Variants in DDX31 observed in about 807,000 individuals in gnomAD.
DDX31 encodes the protein ATP-dependent DNA helicase DDX31.
In DDX31, 70 loss-of-function variants were observed where a neutral mutation model predicts 91.3. The ratio of observed to expected loss-of-function variants is 0.77; its 90% CI spans 0.63 to 0.94. DDX31 has a LOEUF of 0.94. Ranked by LOEUF, DDX31 falls within the 40% of genes least tolerant of loss-of-function variation. The pLI is 0.00. For missense variants in DDX31, 902 were observed against 925.0 expected, an observed-to-expected ratio of 0.98 and a Z score of 0.32; for synonymous variants, 362 against 350.6, an observed-to-expected ratio of 1.03 and a Z score of -0.36.
At chr9:132,645,481 C>T (rs1442311421) in intron 13 of DDX31, among the ~76,000 whole-genome samples, 3 of 152,176 alleles carry the variant, frequency 2.0e-5, no homozygotes, top group South Asian at 2.1e-4. Flanking sequence ...CAATTTAGCT[C>T]CATTAATGCT....
At chr9:132,649,225 A>G (rs1245334568) in intron 9 of DDX31, among the ~76,000 whole-genome samples, 1 of 152,160 alleles carries the variant, frequency 6.6e-6, no homozygotes, top group Non-Finnish European at 1.5e-5. Flanking sequence ...TACAGGCATG[A>G]GCCACTGCAC....
In DDX31 at chr9:132,630,075, G is replaced by A. The variant is rs376624704; in HGVS notation, c.1631+189C>T. Among the ~76,000 whole-genome samples, 10 of 152,296 alleles carry A rather than the reference G, an allele frequency of 6.6e-5. No individual in the cohort carries two copies. The East Asian group carries it at 1.9e-3, about 29-fold the overall frequency. On this transcript the variant is annotated intron_variant, in intron 16 of 19. Transcript: ENST00000372159. Reference sequence around the variant, plus strand: ...TCGTCCTATGACTTAGTCTGGCAACGCAATGAAAACTGTCATGTGCTGAGG... The same window carrying A: ...TCGTCCTATGACTTAGTCTGGCAACACAATGAAAACTGTCATGTGCTGAGG...
chr9:132,626,492 C>G (rs1832401388), intron 16 of DDX31, among the ~76,000 whole-genome samples: 1 of 152,080 alleles, frequency 6.6e-6, no homozygotes. Context: ...ATGTAGGGAG[C>G]AAAGAGAGAC....
chr9:132,594,699 T>G lies in DDX31; in HGVS notation c.*167A>C. The G allele has an allele frequency of 8.5e-7, 1 of 1,170,612 alleles. No individual in the cohort carries two copies. The highest frequency in any genetic ancestry group is 2.4e-5 in the East Asian group (1 of 41,422). 72.5% of individuals were successfully genotyped at this position (1,170,612 alleles called of 1,614,324 possible). On this transcript the variant is annotated 3_prime_UTR_variant, in exon 20 of 20. Coordinates refer to ENST00000372159, the MANE Select transcript of DDX31 (RefSeq NM_022779.9). ...CCCACACCACTGATTTCTATCAGGC[T>G]CCAGGGCCTCCCATGGAGGAGAAGG...
At chr9:132,627,658 AAGAAT>A (rs1832476823) in intron 16 of DDX31, among the ~76,000 whole-genome samples, 1 of 152,248 alleles carries the variant, frequency 6.6e-6, no homozygotes, top group Non-Finnish European at 1.5e-5. Context: ...AAGAAGTCAA[AAGAAT>A]GCAGAAGCAA....
At chr9:132,638,169 A>G (rs1833244881) in intron 14 of DDX31, 5 of 1,387,632 alleles carry the variant, frequency 3.6e-6, no homozygotes, top group African/African-American at 1.5e-5. Context: ...TCTGGGAAAA[A>G]GGTGACTGCA....
chr9:132,662,615 G>A lies in DDX31; in HGVS notation c.156C>T (p.Leu52=), dbSNP rs1564341490. 1.2e-6 allele frequency: 2 copies of A among 1,614,200 alleles called. No homozygotes were observed. The highest frequency in any genetic ancestry group is 1.7e-5 in the Admixed American group (1 of 60,026). ...PAKRRNETSF[L]PAKKTSVKET... is the part of the protein sequence containing the mutation. ...CTTTAACACTAGTTTTCTTGGCTGG[G>A]AGAAATGAAGTTTCGTTCCTCCGTT... The change falls in exon 2 of 20, where the codon CTC becomes CTT. Residue 52 remains leucine, a synonymous_variant. Coordinates refer to ENST00000372159, the MANE Select transcript of DDX31 (RefSeq NM_022779.9).
chr9:132,622,363 C>A (rs1421005018), intron 17 of DDX31, among the ~76,000 whole-genome samples: 1 of 148,800 alleles, frequency 6.7e-6, no homozygotes, highest in Non-Finnish European at 1.5e-5. Context: ...CAGGGAAAGT[C>A]TTAAGGAGAA....
At position 132,594,639 on chromosome 9, in the gene DDX31, C is replaced by A. The variant is rs1409350265; in HGVS notation, c.*227G>T. On this transcript the variant is annotated 3_prime_UTR_variant, in exon 20 of 20. Transcript: ENST00000372159. ...GATGGGATCAATACAAGACACAGAC[C>A]CCTTCCGTCGGGAGCTGGCTAGTCT... 1.7e-5 allele frequency: 10 copies of A among 605,420 alleles called. 1 individual carries two copies. The highest frequency in any genetic ancestry group is 1.0e-3 in the Middle Eastern group (2 of 2,004). The allele number at this position is 605,420 out of a possible 1,614,324, so 37.5% of individuals were successfully genotyped here.
intron 17 of DDX31, among the ~76,000 whole-genome samples, chr9:132,624,345 T>C (rs1832259220): frequency 6.6e-6 from 1 of 152,162 alleles, no homozygotes. Context: ...GAGTCTTATA[T>C]GAAGTACTGA....
At position 132,621,993 on chromosome 9, in the gene DDX31, T is replaced by TA. The variant is rs11306949; in HGVS notation, c.1714-3553dup. Among the ~76,000 whole-genome samples, 251 of 143,704 alleles carry TA rather than the reference T, an allele frequency of 1.7e-3. 1 individual carries two copies. The highest frequency in any genetic ancestry group is 3.2e-3 in the East Asian group (16 of 4,924). 94.3% of individuals were successfully genotyped at this position (143,704 alleles called of 152,430 possible). ...AAGCCCAAACTTACTCAGCTTTTCT[T>TA]AAAAAAAAAAAAAAAAAAAATCACC... is the stretch of plus-strand genomic sequence containing the variant. On this transcript the variant is annotated intron_variant, in intron 17 of 19. Coordinates refer to ENST00000372159, the MANE Select transcript of DDX31 (RefSeq NM_022779.9).
chr9:132,646,166 C>A, intron 12 of DDX31, 95 bp from the exon 13 acceptor site: 1 of 1,282,616 alleles, frequency 7.8e-7, no homozygotes. Flanking sequence ...ATGCTGACCC[C>A]CATTTGGAAA....
At chr9:132,604,533 TGAA>T (rs1830904599) in intron 19 of DDX31, among the ~76,000 whole-genome samples, 1 of 152,314 alleles carries the variant, frequency 6.6e-6, no homozygotes, top group Non-Finnish European at 1.5e-5. Flanking sequence ...CCCTGCCATG[TGAA>T]GAAGAGCATC....
At chr9:132,619,085 G>T (rs942774112) in intron 17 of DDX31, among the ~76,000 whole-genome samples, 1 of 152,132 alleles carries the variant, frequency 6.6e-6, no homozygotes, top group African/African-American at 2.4e-5. Context: ...GCAGCAAATC[G>T]TCCCTGTGTA....
At chr9:132,648,365 A>T in intron 10 of DDX31, 67 bp downstream of exon 10, 1 of 1,605,448 alleles carries the variant, frequency 6.2e-7, no homozygotes, top group Non-Finnish European at 8.5e-7. Flanking sequence ...GGGCTACAGA[A>T]GTTGCAACAA....
At chr9:132,641,335 G>A (rs1211586353) in intron 14 of DDX31, among the ~76,000 whole-genome samples, 1 of 152,228 alleles carries the variant, frequency 6.6e-6, no homozygotes, top group Non-Finnish European at 1.5e-5. Context: ...CCAATAACCA[G>A]CTGGGGATTA....
At chr9:132,660,227 C>T (rs899498529) in intron 4 of DDX31, among the ~76,000 whole-genome samples, 2 of 151,024 alleles carry the variant, frequency 1.3e-5, no homozygotes, top group Non-Finnish European at 2.9e-5. Flanking sequence ...CCCAGCTACT[C>T]AGGAGGTTGA....
At chr9:132,662,233 G>A (rs942076379) in intron 3 of DDX31, 28 bp downstream of exon 3, 1 of 1,612,490 alleles carries the variant, frequency 6.2e-7, no homozygotes, top group South Asian at 1.1e-5. Flanking sequence ...AAAAAAAACT[G>A]ACCCAGAAAA....
chr9:132,652,369 G>A (rs1311725617), intron 7 of DDX31, 79 bp downstream of exon 7: 1 of 1,565,318 alleles, frequency 6.4e-7, no homozygotes, highest in Non-Finnish European at 8.7e-7. Context: ...GGAGAAACAT[G>A]GTAAAACCAC....
Sources: gnomAD v4.1 joint callset for allele counts (sites outside exome capture counted in the v4.1 genomes callset) on GRCh38, gnomAD v4.1.1 for gene constraint, MANE v1.5 for transcripts, NCBI Gene and HGNC (gene_info 2026-07-23, HGNC 2026-07-21) for gene names.